The following CDK14 variants were observed in gnomAD, a reference collection of about 807,000 sequenced individuals.
CDK14 encodes the protein cyclin dependent kinase 14, also known as cyclin-dependent kinase 14.
A neutral mutation model predicts 60.7 loss-of-function variants in CDK14; 34 were observed. That is an observed-to-expected ratio of 0.56 (90% confidence interval 0.43 to 0.75). CDK14 has a LOEUF of 0.75. CDK14 is among the 30% of genes least tolerant of loss of function. The pLI, the probability that CDK14 is intolerant of heterozygous loss-of-function variation, is 0.00. For synonymous variants in CDK14, 197 were observed against 203.7 expected (o/e 0.97, Z 0.28); for missense variants, 482 against 564.1 (o/e 0.85, Z 1.47).
At chr7:91,096,477 C>CT (rs1419799925) in intron 12 of CDK14, among the ~76,000 whole-genome samples, 1 of 152,108 alleles carries the variant, frequency 6.6e-6, no homozygotes, top group African/African-American at 2.4e-5. Flanking sequence ...TTGACTGCAA[C>CT]TTTGTCCCTG....
chr7:90,663,456 A>G (rs1313972278), intron 2 of CDK14, among the ~76,000 whole-genome samples: 2 of 152,166 alleles, frequency 1.3e-5, no homozygotes, highest in East Asian at 3.8e-4. Flanking sequence ...TGCATTCTCC[A>G]GTTCTTCCCC....
chr7:90,793,919 G>A (rs2040519), intron 5 of CDK14, among the ~76,000 whole-genome samples: 133,851 of 152,158 alleles, frequency 0.88, 59,021 homozygotes, highest in East Asian at 1. Flanking sequence ...AAGTTTGTCA[G>A]TCTCTGCTCT....
intron 11 of CDK14, among the ~76,000 whole-genome samples, chr7:91,062,924 G>A (rs2116134018): frequency 6.6e-6 from 1 of 152,298 alleles, no homozygotes; most frequent in East Asian, 1.9e-4. Context: ...ATCCTCTTTG[G>A]AGTGGCAACT....
chr7:91,024,720 G>A (rs748550058), intron 10 of CDK14, among the ~76,000 whole-genome samples: 3 of 152,180 alleles, frequency 2.0e-5, no homozygotes, highest in Admixed American at 1.3e-4. Context: ...CACTCTAATC[G>A]TAGTGCCTTT....
At chr7:91,047,421 T>C (rs1474304799) in intron 11 of CDK14, among the ~76,000 whole-genome samples, 5 of 152,200 alleles carry the variant, frequency 3.3e-5, no homozygotes, top group African/African-American at 1.2e-4. Context: ...TTAGTTGTAT[T>C]TTGGAAAGTA....
In CDK14 at chr7:91,112,566, G is replaced by A. The variant is rs114347546; in HGVS notation, c.1179G>A (p.Glu393=). 2,652 of 1,613,642 alleles carry A rather than the reference G, an allele frequency of 1.6e-3. 30 individuals carry two copies. In the African/African-American group the frequency reaches 0.025, roughly 15 times the overall value. Residue 393 remains glutamate, a synonymous_variant, in exon 13 of 15, where the codon GAG becomes GAA. Coordinates refer to ENST00000380050, the MANE Select transcript of CDK14 (RefSeq NM_001287135.2). ...GGCTCAGCTATGTGAACCATGCAGA[G>A]GACCTGGCCTCCAAGCTCCTACAAT... ...WNKLSYVNHA[E]DLASKLLQCS...
At chr7:90,817,586 T>G (rs952524728) in intron 5 of CDK14, among the ~76,000 whole-genome samples, 1 of 152,186 alleles carries the variant, frequency 6.6e-6, no homozygotes, top group African/African-American at 2.4e-5. Flanking sequence ...CTGTAGGAAT[T>G]TTTGTTTGTT....
chr7:90,998,841 A>AT (rs1369371015), intron 10 of CDK14, among the ~76,000 whole-genome samples: 2 of 152,136 alleles, frequency 1.3e-5, no homozygotes, highest in African/African-American at 4.8e-5. Flanking sequence ...GTGAGCGGAG[A>AT]TCGCGCCACT....
At chr7:90,892,747 G>A (rs1792175011) in intron 6 of CDK14, among the ~76,000 whole-genome samples, 3 of 152,116 alleles carry the variant, frequency 2.0e-5, no homozygotes, top group African/African-American at 4.8e-5. Context: ...TGATGGGTTA[G>A]TCAACAGCAG....
chr7:90,899,155 C>A, intron 6 of CDK14, 136 bp from the exon 7 acceptor site: 1 of 589,338 alleles, frequency 1.7e-6, no homozygotes, highest in Non-Finnish European at 2.8e-6. Flanking sequence ...CATGCCACTA[C>A]ATACACTGAA....
intron 14 of CDK14, among the ~76,000 whole-genome samples, chr7:91,147,141 GTCTC>G (rs150638262): frequency 1.0e-4 from 8 of 79,216 alleles, no homozygotes; most frequent in South Asian, 9.9e-4. Context: ...ACCTCTCTCT[GTCTC>G]TCTCTCTCTC....
chr7:90,820,869 A>C (rs1473616264), intron 5 of CDK14, among the ~76,000 whole-genome samples: 4 of 152,124 alleles, frequency 2.6e-5, no homozygotes, highest in African/African-American at 9.7e-5. Flanking sequence ...CACGTATCCC[A>C]ATTGCCTTCA....
chr7:91,114,731 T>G (rs909922662), intron 13 of CDK14, among the ~76,000 whole-genome samples: 6 of 152,156 alleles, frequency 3.9e-5, no homozygotes, highest in African/African-American at 1.2e-4. Flanking sequence ...GAAATGCTAT[T>G]TCTGTGTCTA....
intron 14 of CDK14, among the ~76,000 whole-genome samples, chr7:91,196,616 A>C (rs959806315): frequency 1.2e-4 from 19 of 152,314 alleles, no homozygotes; most frequent in Admixed American, 5.2e-4. Flanking sequence ...CTGCACAGGC[A>C]TGGGTGAATT....
At chr7:91,016,018 A>G (rs1796294616) in intron 10 of CDK14, among the ~76,000 whole-genome samples, 1 of 152,146 alleles carries the variant, frequency 6.6e-6, no homozygotes, top group Non-Finnish European at 1.5e-5. Flanking sequence ...TTGGCTTTTC[A>G]GATATGGATA....
intron 11 of CDK14, among the ~76,000 whole-genome samples, chr7:91,069,509 C>G (rs1201824055): frequency 6.6e-6 from 1 of 151,804 alleles, no homozygotes; most frequent in East Asian, 1.9e-4. Context: ...CCACTGCACT[C>G]CATCCAGAGT....
intron 11 of CDK14, among the ~76,000 whole-genome samples, chr7:91,056,256 C>A (rs1797551526): frequency 6.6e-6 from 1 of 152,036 alleles, no homozygotes; most frequent in Admixed American, 6.6e-5. Context: ...ACCGGGGATT[C>A]CACACCACTA....
intron 2 of CDK14, among the ~76,000 whole-genome samples, chr7:90,627,960 A>G (rs1340010359): frequency 1.3e-5 from 2 of 151,926 alleles, no homozygotes; most frequent in Non-Finnish European, 2.9e-5. Context: ...TTTCTTCTCA[A>G]TTATTATTAT....
chr7:90,876,295 C>A (rs1406033452), intron 6 of CDK14, among the ~76,000 whole-genome samples: 1 of 152,206 alleles, frequency 6.6e-6, no homozygotes, highest in East Asian at 1.9e-4. Flanking sequence ...GGGGATCAGA[C>A]CCCTACATAA....
Sources: gnomAD v4.1 joint callset for allele counts (sites outside exome capture counted in the v4.1 genomes callset) on GRCh38, gnomAD v4.1.1 for gene constraint, MANE v1.5 for transcripts, NCBI Gene and HGNC (gene_info 2026-07-23, HGNC 2026-07-21) for gene names.